Variants in THBS4 observed in about 807,000 individuals in gnomAD.
THBS4 encodes the protein thrombospondin-4.
In THBS4, 90 loss-of-function variants were observed where a neutral mutation model predicts 115.7. The observed-to-expected ratio is 0.78, with a 90% CI of 0.66 to 0.93. THBS4 has a LOEUF of 0.93. Ranked by LOEUF, THBS4 falls within the 40% of genes least tolerant of loss-of-function variation. THBS4 has a pLI of 0.00. For synonymous variants in THBS4, 460 were observed against 479.3 expected (o/e 0.96, Z 0.53); for missense variants, 1,087 against 1,232.7 (o/e 0.88, Z 1.77).
intron 4 of THBS4, 114 bp from the exon 5 acceptor site, chr5:80,058,594 C>G (rs1045271822): frequency 1.1e-6 from 1 of 910,054 alleles, no homozygotes; most frequent in Non-Finnish European, 1.8e-6. Flanking sequence ...TTCAAAGATT[C>G]TGGGTTTTTG....
intron 10 of THBS4, chr5:80,068,789 G>C (rs191113187): frequency 6.5e-6 from 1 of 153,312 alleles, no homozygotes; most frequent in African/African-American, 2.4e-5. Context: ...GAAGAGAGTA[G>C]AGCAGTCACA....
Position 80,061,727 on chromosome 5 carries a change from C to T in THBS4, c.1020C>T (p.His340=), listed in dbSNP as rs761936993. The T allele has an allele frequency of 2.2e-5, 35 of 1,614,028 alleles. No individual in the cohort carries two copies. The Admixed American group carries it at 5.3e-4, about 25-fold the overall frequency. ...ACCATCCCTGCTACCCGGGCGTGCA[C>T]TGCATAAATTTGTCTCCTGGCTTCA... The part of the protein sequence containing the change: ...CKYHPCYPGV[H]CINLSPGFRC... Residue 340 remains histidine (H), a synonymous_variant, in exon 8 of 22, where the codon CAC becomes CAT. Transcript: ENST00000350881.
At chr5:80,064,101 C>A (rs1194093737) in intron 8 of THBS4, among the ~76,000 whole-genome samples, 1 of 152,202 alleles carries the variant, frequency 6.6e-6, no homozygotes, top group Non-Finnish European at 1.5e-5. Context: ...TACAAGGAGA[C>A]AGGAAACCTT....
intron 1 of THBS4, among the ~76,000 whole-genome samples, chr5:79,992,761 G>A (rs1159279481): frequency 2.0e-5 from 3 of 152,336 alleles, no homozygotes; most frequent in East Asian, 1.9e-4. Flanking sequence ...AGATAATCAC[G>A]AGTAGGGTTA....
chr5:80,046,555 A>AT (rs1407627672), intron 2 of THBS4, among the ~76,000 whole-genome samples: 1 of 152,106 alleles, frequency 6.6e-6, no homozygotes, highest in Admixed American at 6.6e-5. Flanking sequence ...GAAATCTGGG[A>AT]TTTTTTCTAA....
At chr5:80,039,018 T>G (rs750115825) in intron 1 of THBS4, among the ~76,000 whole-genome samples, 9 of 152,250 alleles carry the variant, frequency 5.9e-5, no homozygotes, top group Non-Finnish European at 1.3e-4. Flanking sequence ...AACATTTATT[T>G]ATATACTTAA....
chr5:80,072,661 T>C (rs1220107816), intron 14 of THBS4: 1 of 432,584 alleles, frequency 2.3e-6, no homozygotes, highest in African/African-American at 2.0e-5. Context: ...ATACAAGTAT[T>C]TTTCCTGCAG....
At chr5:80,062,783 T>C (rs1161254668) in intron 8 of THBS4, among the ~76,000 whole-genome samples, 1 of 151,752 alleles carries the variant, frequency 6.6e-6, no homozygotes. Context: ...GAACATGCGG[T>C]GTTTGGTTTT....
In THBS4 at chr5:80,035,544, G is replaced by A; in HGVS notation, c.7G>A (p.Ala3Thr). The A allele has an allele frequency of 7.1e-7, 1 of 1,405,598 alleles. No homozygotes were observed. Among genetic ancestry groups the A allele is most frequent in the South Asian group, 1.5e-5 (1 of 65,026 alleles). The allele number at this position is 1,405,598 out of a possible 1,614,324, so 87.1% of individuals were successfully genotyped here. Reference protein sequence around the residue: MLAPRGAAVLLLH... With the variant: MLTPRGAAVLLLH... ...GGGAGCAGGAAGAGCCAACATGCTG[G>A]CCCCGCGCGGAGCCGCCGTCCTCCT... is the stretch of plus-strand genomic sequence containing the variant. Residue 3 changes from alanine to threonine, a missense_variant, in exon 1 of 22, where the codon GCC becomes ACC. By Grantham distance (58) the Ala-to-Thr change is moderately conservative (BLOSUM62 0). Around this residue, in one of 3 missense-constraint regions of THBS4, gnomAD observed 979 missense variants for 1,103.7 expected, o/e 0.89. Coordinates refer to ENST00000350881, the MANE Select transcript of THBS4 (RefSeq NM_003248.6). This position sits in a 1 kb window ranked among gnomAD's most constrained non-coding sequence, Gnocchi z 4.6.
chr5:80,060,274 T>A (rs2112100136), intron 7 of THBS4, among the ~76,000 whole-genome samples: 1 of 152,344 alleles, frequency 6.6e-6, no homozygotes, highest in South Asian at 2.1e-4. Context: ...AAGGGTATAT[T>A]TCAGGAGTCA....
At chr5:80,051,915 T>C (rs1313336151) in intron 2 of THBS4, among the ~76,000 whole-genome samples, 1 of 152,218 alleles carries the variant, frequency 6.6e-6, no homozygotes, top group Non-Finnish European at 1.5e-5. Flanking sequence ...TCCTTTGAAT[T>C]TCACAGAAAT....
chr5:80,059,309 G>A lies in THBS4; in HGVS notation c.733-131G>A, dbSNP rs1221096294. The A allele has an allele frequency of 3.5e-5, 31 of 898,006 alleles. 1 individual carries two copies. In the East Asian group the frequency reaches 4.0e-4, roughly 12 times the overall value. The allele number at this position is 898,006 out of a possible 1,614,324, so 55.6% of individuals were successfully genotyped here. On this transcript the variant is annotated intron_variant, in intron 5 of 21. Coordinates refer to ENST00000350881, the MANE Select transcript of THBS4 (RefSeq NM_003248.6). The stretch of plus-strand genomic sequence containing the variant: ...CGTGCCACTGCACTCCAGCCTGGGC[G>A]ACAGACTGAGACTGTCTCAAAAAAA...
intron 8 of THBS4, 36 bp downstream of exon 8, chr5:80,061,868 C>G: frequency 6.4e-7 from 1 of 1,569,908 alleles, no homozygotes; most frequent in South Asian, 1.2e-5. Context: ...CATTTCTCAT[C>G]TTAACAAAAC....
rs1484188457 is a variant in THBS4, at chr5:80,035,678, G to A, written c.88+53G>A. 29 of 1,223,528 alleles carry A rather than the reference G, an allele frequency of 2.4e-5. No homozygotes were observed. The highest frequency in any genetic ancestry group is 3.0e-5 in the Non-Finnish European group (29 of 957,132). The allele number at this position is 1,223,528 out of a possible 1,614,324, so 75.8% of individuals were successfully genotyped here. On this transcript the variant is annotated intron_variant, in intron 1 of 21. Transcript: ENST00000350881. The surrounding 1 kb of genome is among the most constrained non-coding windows in gnomAD (Gnocchi z 4.6). ...GCGCCGGGCACCGGGTGCCCCATCT[G>A]CTGAGTGAGTGGAGGGACTTGCTCG...
chr5:80,047,311 A>G (rs566044294), intron 2 of THBS4, among the ~76,000 whole-genome samples: 2 of 152,330 alleles, frequency 1.3e-5, no homozygotes, highest in East Asian at 3.9e-4. Flanking sequence ...TCACAAGGAC[A>G]CTGTCAAGTC....
intron 2 of THBS4, among the ~76,000 whole-genome samples, chr5:80,029,768 G>A (rs1330373708): frequency 3.3e-5 from 5 of 150,982 alleles, no homozygotes; most frequent in Non-Finnish European, 7.4e-5. Context: ...GACCATCCTG[G>A]CTAACATGGT....
Position 80,073,472 on chromosome 5 carries a change from T to G in THBS4, c.1892+145T>G, listed in dbSNP as rs540657670. ...AATCTCGGCTCACTGCAAGCTCCGA[T>G]TCCCAGGTTTATGCCATTCTTCTGC... On this transcript the variant is annotated intron_variant, in intron 15 of 21. Transcript: ENST00000350881. The G allele has an allele frequency of 4.6e-5, 33 of 724,290 alleles. 1 individual carries two copies. The South Asian group carries it at 5.3e-4, about 12-fold the overall frequency. The allele number at this position is 724,290 out of a possible 1,614,324, so 44.9% of individuals were successfully genotyped here. A position where few individuals can be genotyped will look rare whatever the true frequency, so the allele number is the denominator to read the frequency against.
Position 80,013,800 on chromosome 5 carries a change from A to G in THBS4, n.177+15373A>G, listed in dbSNP as rs536401895. Among the ~76,000 whole-genome samples the G allele has an allele frequency of 1.3e-4, 20 of 152,358 alleles. No individual in the cohort carries two copies. In the South Asian group the frequency reaches 3.9e-3, roughly 30 times the overall value. On this transcript the variant is annotated intron_variant and non_coding_transcript_variant, in intron 2 of 3. Coordinates refer to the THBS4 transcript ENST00000510218. ...GATATAATAATACTTTCACAAGGCT[A>G]TTGTGAGAATTAAATGATGTATAAT...
intron 2 of THBS4, among the ~76,000 whole-genome samples, chr5:80,051,282 T>C (rs1833247740): frequency 6.6e-6 from 1 of 152,162 alleles, no homozygotes; most frequent in Non-Finnish European, 1.5e-5. Flanking sequence ...TGTGAAAACG[T>C]TGAGTTTCCT....
Sources: gnomAD v4.1 joint callset for allele counts (sites outside exome capture counted in the v4.1 genomes callset) on GRCh38, gnomAD v4.1.1 for gene constraint, gnomAD v4.1.1 regional missense constraint, Gnocchi (gnomAD v3.1) non-coding constraint, MANE v1.5 for transcripts, NCBI Gene and HGNC (gene_info 2026-07-23, HGNC 2026-07-21) for gene names.